FGD5: variants seen among roughly 807,000 people sequenced by gnomAD.
The protein encoded by FGD5 is FYVE, RhoGEF and PH domain-containing protein 5.
FGD5 carries 28 observed loss-of-function variants against 133.4 expected under a neutral mutation model. The ratio of observed to expected loss-of-function variants is 0.21; its 90% confidence interval spans 0.16 to 0.29. FGD5 has a LOEUF of 0.29. Among genes scored for constraint, FGD5 ranks in the 10% least tolerant of loss-of-function variants. FGD5 has a pLI of 1.00. For missense variants in FGD5, 1,858 were observed against 1,895.2 expected (o/e 0.98, Z 0.36); for synonymous variants, 810 against 776.5 (o/e 1.04, Z -0.72).
rs754298128 is a variant in FGD5, at chr3:14,926,107, A to G, written c.4106A>G (p.Tyr1369Cys). ...GGAGAGGGCTCTGCCATCAGTGGCT[A>G]TCTCAGCCGGTGTAAGAGGGGCAAG... ...ASGEGSAISG[Y>C]LSRCKRGKRH... Residue 1369 changes from tyrosine to cysteine, a missense_variant, in exon 18 of 20, where the codon TAT becomes TGT. Tyr to Cys is a radical substitution (Grantham distance 194). Around this residue, in one of 3 missense-constraint regions of FGD5, gnomAD observed 1,824 missense variants for 1,848.9 expected, o/e 0.99. Transcript: ENST00000285046. The G allele has an allele frequency of 4.3e-6, 7 of 1,613,764 alleles. No individual in the cohort carries two copies. The highest frequency in any genetic ancestry group is 5.9e-6 in the Non-Finnish European group (7 of 1,179,838).
chr3:14,897,888 G>A (rs1278334735), intron 5 of FGD5, 51 bp from the exon 6 acceptor site: 54 of 1,608,796 alleles, frequency 3.4e-5, no homozygotes, highest in South Asian at 3.2e-4. Context: ...CTAACCCTGC[G>A]TTGGTTACAA....
At chr3:14,832,868 A>C (rs1400362085) in intron 1 of FGD5, among the ~76,000 whole-genome samples, 2 of 152,078 alleles carry the variant, frequency 1.3e-5, no homozygotes, top group Non-Finnish European at 2.9e-5. Flanking sequence ...AATGATGAAA[A>C]ACTGTAGAGA....
rs114309283 is a variant in FGD5 at position 14,826,339 on chromosome 3, C to T, written c.2525+4743C>T. ...CCTCTGCCCCTCTCCCCACTGCCCT[C>T]ATCCATTAGTGCATGTTGTTCTTGA... On this transcript the variant is annotated intron_variant, in intron 1 of 19. Transcript: ENST00000285046. Among the ~76,000 whole-genome samples the T allele has an allele frequency of 8.1e-3, 1,240 of 152,238 alleles. 14 individuals carry two copies. The highest frequency in any genetic ancestry group is 0.028 in the African/African-American group (1,165 of 41,518).
At position 14,900,426 on chromosome 3, in the gene FGD5, G is replaced by C; in HGVS notation, c.3178G>C (p.Asp1060His). The part of the protein sequence containing the change: ...LTDYLNNLCP[D>H]SAEYDNTQGA... The stretch of plus-strand genomic sequence containing the variant: ...AGACTATTTAAACAACCTTTGTCCG[G>C]ACTCCGCCGAGTACGACAACACACA... The change falls in exon 8 of 20, where the codon GAC becomes CAC. Residue 1060 changes from aspartate to histidine, a missense_variant. Physicochemically the swap from Asp to His is moderately conservative, Grantham distance 81. Transcript: ENST00000285046. 1.9e-6 allele frequency: 3 copies of C among 1,613,544 alleles called. No homozygotes were observed. The South Asian group carries it at 3.3e-5, about 18-fold the overall frequency.
In FGD5 at chr3:14,820,545, T is replaced by C. The variant is rs749603414; in HGVS notation, c.1474T>C (p.Tyr492His). The change falls in exon 1 of 20, where the codon TAT (tyrosine) becomes CAT (histidine). Residue 492 changes from tyrosine (Y) to histidine (H), a missense_variant. Tyr to His is a moderately conservative substitution (Grantham distance 83, BLOSUM62 2). Around this residue, in one of 3 missense-constraint regions of FGD5, gnomAD observed 1,824 missense variants for 1,848.9 expected, o/e 0.99. Transcript: ENST00000285046. The part of the protein sequence containing the change: ...VRPHSGKVAG[Y>H]VPETVPEETG... ...GCCCCACTCTGGGAAGGTGGCCGGC[T>C]ATGTCCCAGAAACCGTCCCTGAAGA... 1.2e-6 allele frequency: 2 copies of C among 1,613,540 alleles called. No individual in the cohort carries two copies. Among genetic ancestry groups the C allele is most frequent in the South Asian group, 2.2e-5 (2 of 91,046 alleles).
At chr3:14,889,312 T>G (rs945174945) in intron 4 of FGD5, among the ~76,000 whole-genome samples, 6 of 151,960 alleles carry the variant, frequency 3.9e-5, no homozygotes, top group African/African-American at 1.5e-4. Flanking sequence ...CACATGAGAG[T>G]GGTTTAGCTT....
At chr3:14,913,743 A>G (rs946208120) in intron 11 of FGD5, among the ~76,000 whole-genome samples, 4 of 152,058 alleles carry the variant, frequency 2.6e-5, no homozygotes, top group South Asian at 4.2e-4. Flanking sequence ...GCTTTCCCCA[A>G]TCTGTCCTCA....
chr3:14,814,718 G>GCTGCTTGACATCTCCAC (rs1553621600), upstream of FGD5, among the ~76,000 whole-genome samples: 3 of 152,122 alleles, frequency 2.0e-5, no homozygotes, highest in Admixed American at 6.5e-5. Flanking sequence ...GACATCTCCA[G>GCTGCTTGACATCTCCAC]CTGCTTGACA....
At position 14,898,795 on chromosome 3, in the gene FGD5, A is replaced by C; in HGVS notation, c.3123A>C (p.Gln1041His). The part of the protein sequence containing the change: ...TAKHRLLRVV[Q>H]RLFQYQVLLT... ...AGCATCGGCTGCTGCGGGTGGTTCA[A>C]CGCCTCTTCCAGTACCAAGTGCTCC... Residue 1041 changes from glutamine to histidine, a missense_variant, in exon 7 of 20, where the codon CAA becomes CAC. Coordinates refer to ENST00000285046, the MANE Select transcript of FGD5 (RefSeq NM_152536.4). The C allele has an allele frequency of 6.3e-7, 1 of 1,582,490 alleles. No homozygotes were observed. The highest frequency in any genetic ancestry group is 8.6e-7 in the Non-Finnish European group (1 of 1,165,220).
intron 1 of FGD5, among the ~76,000 whole-genome samples, chr3:14,827,346 T>TG (rs2036620102): frequency 6.7e-6 from 1 of 149,360 alleles, no homozygotes; most frequent in East Asian, 2.0e-4. Flanking sequence ...TGGAGTGCAG[T>TG]GGCGCGATCT....
chr3:14,933,469 T>C lies in FGD5; in HGVS notation c.*302T>C. The C allele has an allele frequency of 2.7e-6, 1 of 366,038 alleles. No individual in the cohort carries two copies. The highest frequency in any genetic ancestry group is 4.2e-5 in the Admixed American group (1 of 23,918). The allele number at this position is 366,038 out of a possible 1,614,324, so 22.7% of individuals were successfully genotyped here. ...GTTAAAATTTAGTAAGATGAAGATG[T>C]GGAAACCAATGAAAAGTACATTTAG... On this transcript the variant is annotated 3_prime_UTR_variant, in exon 20 of 20. Transcript: ENST00000285046.
chr3:14,814,144 A>AGAAG (rs2036335957), upstream of FGD5, among the ~76,000 whole-genome samples: 8 of 152,098 alleles, frequency 5.3e-5, no homozygotes, highest in Admixed American at 5.2e-4. Context: ...ACAAGGAGAG[A>AGAAG]GAAGGTTCAC....
intron 1 of FGD5, among the ~76,000 whole-genome samples, chr3:14,853,280 A>AG (rs1415971802): frequency 6.6e-6 from 1 of 152,174 alleles, no homozygotes; most frequent in African/African-American, 2.4e-5. Context: ...TGAGGGGTGA[A>AG]GGATTCAGCA....
intron 1 of FGD5, among the ~76,000 whole-genome samples, chr3:14,827,306 T>G (rs988623009): frequency 1.4e-5 from 2 of 146,736 alleles, no homozygotes; most frequent in South Asian, 2.2e-4. Context: ...TTTTTTTTTT[T>G]GAGACGGAGT....
chr3:14,877,669 A>G (rs964971343), intron 2 of FGD5, among the ~76,000 whole-genome samples: 3 of 152,044 alleles, frequency 2.0e-5, no homozygotes, highest in African/African-American at 7.3e-5. Flanking sequence ...CCACGTTCTG[A>G]GGATCCGGAG....
At chr3:14,898,875 G>A in intron 7 of FGD5, 49 bp downstream of exon 7, 1 of 1,513,076 alleles carries the variant, frequency 6.6e-7, no homozygotes, top group Non-Finnish European at 9.0e-7. Context: ...GGGCAGGGAA[G>A]GCCCCTGAGG....
intron 4 of FGD5, among the ~76,000 whole-genome samples, chr3:14,887,155 T>C (rs147329362): frequency 6.6e-6 from 1 of 152,314 alleles, no homozygotes; most frequent in African/African-American, 2.4e-5. Flanking sequence ...TGTCTCTCCG[T>C]CAGTTGTCAG....
At chr3:14,815,120 G>C (rs1045375747), upstream of FGD5, among the ~76,000 whole-genome samples, 2 of 152,136 alleles carry the variant, frequency 1.3e-5, no homozygotes, top group African/African-American at 4.8e-5. Context: ...TCAAAACCCT[G>C]CAGTGGCTTC....
Position 14,820,909 on chromosome 3 carries a change from T to C in FGD5, c.1838T>C (p.Val613Ala), listed in dbSNP as rs781520148. The change falls in exon 1 of 20, where the codon GTC becomes GCC. Residue 613 changes from valine (V) to alanine (A), a missense_variant. By Grantham distance (64) the Val-to-Ala change is moderately conservative (BLOSUM62 0). This residue lies in a region of FGD5 where 1,824 missense variants were observed against 1,848.9 expected (regional missense o/e 0.99). Transcript: ENST00000285046. ...GGCACCTCCACGCCTTCTTCCATGG[T>C]CGACATCCCACCTCCTTTCGACCTG... Reference protein sequence around the residue: ...SSGTSTPSSMVDIPPPFDLAC... With the variant: ...SSGTSTPSSMADIPPPFDLAC... 7.4e-6 allele frequency: 12 copies of C among 1,613,704 alleles called. No homozygotes were observed. In the South Asian group the frequency reaches 1.2e-4, roughly 16 times the overall value.
Sources: allele counts gnomAD v4.1 joint callset (sites outside exome capture counted in the v4.1 genomes callset), GRCh38; gene constraint gnomAD v4.1.1; regional missense constraint gnomAD v4.1.1; transcripts MANE v1.5; gene names NCBI Gene and HGNC (gene_info 2026-07-23, HGNC 2026-07-21).